GRIA3: variants seen among roughly 807,000 people sequenced by gnomAD.
GRIA3 encodes glutamate receptor 3.
Under a neutral mutation model 63.0 loss-of-function variants are expected in GRIA3, and 3 were observed. The ratio of observed to expected loss-of-function variants is 0.05; its 90% confidence interval spans 0.02 to 0.12. GRIA3 has a LOEUF of 0.12. Among genes scored for constraint, GRIA3 ranks in the 10% least tolerant of loss-of-function variants. GRIA3 has a pLI of 1.00. For synonymous variants in GRIA3, 274 were observed against 257.9 expected (o/e 1.06, Z -0.60); for missense variants, 347 against 700.9 (o/e 0.50, Z 5.70).
chrX:123,204,875 G>C (rs1024094473), intron 2 of GRIA3, among the ~76,000 whole-genome samples: 1 of 111,992 alleles, frequency 8.9e-6, no homozygotes, highest in Non-Finnish European at 1.9e-5. Context: ...GCTTTTCTGA[G>C]TAAGAAGCCC....
At chrX:123,364,098 C>T (rs2147356308) in intron 5 of GRIA3, among the ~76,000 whole-genome samples, 1 of 112,247 alleles carries the variant, frequency 8.9e-6, no homozygotes, top group East Asian at 2.8e-4. Context: ...GCAAACAGCA[C>T]TAGAATTCGA....
intron 10 of GRIA3, among the ~76,000 whole-genome samples, chrX:123,407,254 G>T (rs143563455): frequency 1.8e-5 from 2 of 111,186 alleles, no homozygotes; most frequent in African/African-American, 6.5e-5. Context: ...CTCACAACAC[G>T]CCTCTGGGGA....
chrX:123,185,789 T>G (rs376191681), intron 1 of GRIA3, 43 bp from the exon 2 acceptor site: 1 of 1,158,865 alleles, frequency 8.6e-7, no homozygotes, highest in South Asian at 1.8e-5. Flanking sequence ...CTGGCCCTAG[T>G]GTGGGGGAAC....
At chrX:123,484,998 T>A (rs1274754203) in intron 15 of GRIA3, among the ~76,000 whole-genome samples, 1 of 112,815 alleles carries the variant, frequency 8.9e-6, no homozygotes, top group East Asian at 2.8e-4. Context: ...CATTGGTGGA[T>A]GTACAATACA....
chrX:123,235,922 A>G (rs999396764), intron 2 of GRIA3, among the ~76,000 whole-genome samples: 5 of 111,048 alleles, frequency 4.5e-5, no homozygotes, highest in East Asian at 2.8e-4. Context: ...AGGTGAAACT[A>G]TCTAGAGGTC....
chrX:123,219,064 G>T (rs975695381), intron 2 of GRIA3, among the ~76,000 whole-genome samples: 2 of 112,083 alleles, frequency 1.8e-5, no homozygotes, highest in Non-Finnish European at 3.8e-5. Context: ...CAGTCACACA[G>T]TGGAAATGGC....
In GRIA3 at chrX:123,253,319, G is replaced by A. The variant is rs368530347; in HGVS notation, c.285G>A (p.Ser95=). The A allele has an allele frequency of 9.7e-5, 117 of 1,207,376 alleles. No homozygotes were observed. The highest frequency in any genetic ancestry group is 1.2e-4 in the Non-Finnish European group (111 of 892,969). ...SVTNAFCSQF[S]RGVYAIFGFY... is the part of the protein sequence containing the mutation. ...TCATTGCAGTCTGCTCCCAGTTCTC[G>A]AGAGGGGTGTATGCCATCTTTGGAT... The change falls in exon 3 of 16, where the codon TCG becomes TCA. Residue 95 remains serine, a synonymous_variant. Coordinates refer to ENST00000620443, the MANE Select transcript of GRIA3 (RefSeq NM_007325.5).
intron 12 of GRIA3, among the ~76,000 whole-genome samples, chrX:123,464,272 A>G (rs937821154): frequency 3.6e-5 from 4 of 111,744 alleles, no homozygotes; most frequent in Non-Finnish European, 5.6e-5. Flanking sequence ...GCATCACACA[A>G]TATTCCTATG....
At chrX:123,452,359 C>A (rs938717732) in intron 12 of GRIA3, among the ~76,000 whole-genome samples, 18 of 107,514 alleles carry the variant, frequency 1.7e-4, no homozygotes, top group Admixed American at 3.9e-4. Flanking sequence ...AACACTCCCC[C>A]CCCAAAAAAA....
intron 11 of GRIA3, among the ~76,000 whole-genome samples, chrX:123,423,268 AG>A (rs1357159513): frequency 1.8e-5 from 2 of 112,206 alleles, no homozygotes; most frequent in Non-Finnish European, 3.8e-5. Flanking sequence ...TGAAGAGGGC[AG>A]GGGGTCTGTC....
Position 123,184,440 on chromosome X carries a change from G to A in GRIA3, c.-96G>A. The A allele has an allele frequency of 1.5e-6, 1 of 665,837 alleles. No homozygotes were observed. Among genetic ancestry groups the A allele is most frequent in the Admixed American group, 2.2e-5 (1 of 44,854 alleles). 54.9% of individuals were successfully genotyped at this position (665,837 alleles called of 1,213,427 possible). On this transcript the variant is annotated 5_prime_UTR_variant, in exon 1 of 16. It adds an upstream start codon to the 5' untranslated region. Coordinates refer to ENST00000620443, the MANE Select transcript of GRIA3 (RefSeq NM_007325.5). ...AGCGAGAGCAAGTTAAGGGGAGGGG[G>A]TGTAAGAGCCAGCGAATTCTTTTTC... is the stretch of plus-strand genomic sequence containing the variant.
chrX:123,465,958 A>AT (rs2147434489), intron 13 of GRIA3, among the ~76,000 whole-genome samples: 1 of 112,027 alleles, frequency 8.9e-6, no homozygotes, highest in South Asian at 3.8e-4. Context: ...CACTGCCCAC[A>AT]TTTTTGATCT....
chrX:123,189,232 A>G (rs1224579280), intron 2 of GRIA3, among the ~76,000 whole-genome samples: 2 of 112,434 alleles, frequency 1.8e-5, no homozygotes, highest in African/African-American at 3.2e-5. Context: ...CCCCAGAACC[A>G]AGAGTGGTGT....
intron 2 of GRIA3, among the ~76,000 whole-genome samples, chrX:123,222,398 AT>A (rs1005832457): frequency 2.7e-5 from 3 of 112,423 alleles, no homozygotes; most frequent in Admixed American, 1.9e-4. Context: ...AATGCAAAAA[AT>A]ATAAGAAATT....
chrX:123,377,289 T>C (rs1164616477), intron 5 of GRIA3, among the ~76,000 whole-genome samples: 1 of 111,858 alleles, frequency 8.9e-6, no homozygotes, highest in Admixed American at 9.5e-5. Flanking sequence ...TTCTGTTATA[T>C]TACTTTCTTT....
chrX:123,426,389 C>T (rs940142471), intron 11 of GRIA3, among the ~76,000 whole-genome samples: 2 of 112,000 alleles, frequency 1.8e-5, no homozygotes, highest in Non-Finnish European at 3.8e-5. Flanking sequence ...GAGGAACACT[C>T]ATGATGCAGG....
intron 12 of GRIA3, among the ~76,000 whole-genome samples, chrX:123,449,135 A>G (rs1041854654): frequency 8.9e-6 from 1 of 112,125 alleles, no homozygotes; most frequent in African/African-American, 3.2e-5. Flanking sequence ...AAATTTCAAC[A>G]TGGGACAGAC....
intron 12 of GRIA3, among the ~76,000 whole-genome samples, chrX:123,430,662 G>A (rs1004381566): frequency 1.8e-5 from 2 of 110,597 alleles, no homozygotes; most frequent in East Asian, 5.7e-4. Context: ...TCATTCTTCA[G>A]TGATGTCAAG....
intron 2 of GRIA3, among the ~76,000 whole-genome samples, chrX:123,208,344 G>C (rs779356554): frequency 7.1e-5 from 8 of 112,138 alleles, no homozygotes; most frequent in Non-Finnish European, 1.3e-4. Context: ...GCCTTCTCTG[G>C]GTTTCAGTTA....
Sources: gnomAD v4.1 joint callset for allele counts (sites outside exome capture counted in the v4.1 genomes callset) on GRCh38, gnomAD v4.1.1 for gene constraint, MANE v1.5 for transcripts, NCBI Gene and HGNC (gene_info 2026-07-23, HGNC 2026-07-21) for gene names.